Variants in HERC4 observed in about 807,000 individuals in gnomAD.
HERC4 encodes probable E3 ubiquitin-protein ligase HERC4.
HERC4 carries 28 observed loss-of-function variants against 124.3 expected under a neutral mutation model. That is an observed-to-expected ratio of 0.23 (90% CI 0.17 to 0.31). The LOEUF (loss-of-function observed/expected upper bound fraction) is 0.31, where lower values mean the gene tolerates loss of function less well. HERC4 is among the 10% of genes least tolerant of loss of function. The pLI is 1.00. For missense variants in HERC4, 713 were observed against 1,229.3 expected, an observed-to-expected ratio of 0.58 and a Z score of 6.28; for synonymous variants, 407 against 421.5, an observed-to-expected ratio of 0.97 and a Z score of 0.42.
rs112735342 is a variant in HERC4, at chr10:68,019,276, G to A, written c.909-5090C>T. Among the ~76,000 whole-genome samples, 4 of 152,184 alleles carry A rather than the reference G, an allele frequency of 2.6e-5. 1 individual carries two copies. Among genetic ancestry groups the A allele is most frequent in the African/African-American group, 9.6e-5 (4 of 41,532 alleles). ...CTCCCAAAGTGCTGAGATTACAGGCGTGAGCCACTGCGCCCGGTCCAGCCA... is the reference window on the plus strand; with the variant it reads ...CTCCCAAAGTGCTGAGATTACAGGCATGAGCCACTGCGCCCGGTCCAGCCA... On this transcript the variant is annotated intron_variant, in intron 8 of 24. Coordinates refer to ENST00000373700, the MANE Select transcript of HERC4 (RefSeq NM_015601.4).
intron 3 of HERC4, among the ~76,000 whole-genome samples, chr10:68,059,483 A>G (rs2040736726): frequency 7.7e-6 from 1 of 129,500 alleles, no homozygotes; most frequent in South Asian, 2.2e-4. Flanking sequence ...TTATAATATT[A>G]TATATTATAA....
At chr10:68,058,389 T>A (rs2040661496) in intron 3 of HERC4, among the ~76,000 whole-genome samples, 2 of 152,152 alleles carry the variant, frequency 1.3e-5, no homozygotes, top group African/African-American at 4.8e-5. Context: ...CTGTATTGTA[T>A]ATCTGGAGGT....
intron 3 of HERC4, among the ~76,000 whole-genome samples, chr10:68,060,716 G>A (rs991803200): frequency 1.3e-5 from 2 of 151,982 alleles, no homozygotes; most frequent in African/African-American, 4.8e-5. Context: ...TCTATGTTCT[G>A]GTACAGGTAA....
At chr10:67,980,919 A>C (rs1369403101) in intron 15 of HERC4, among the ~76,000 whole-genome samples, 1 of 152,192 alleles carries the variant, frequency 6.6e-6, no homozygotes, top group Non-Finnish European at 1.5e-5. Flanking sequence ...AAAAAATAAA[A>C]AGCAAAAACT....
chr10:68,059,511 T>TA, intron 3 of HERC4, among the ~76,000 whole-genome samples: 1 of 121,584 alleles, frequency 8.2e-6, no homozygotes, highest in East Asian at 2.8e-4. Flanking sequence ...TATTATAATA[T>TA]TATATATCAT....
intron 3 of HERC4, among the ~76,000 whole-genome samples, chr10:68,071,731 T>C (rs1795139256): frequency 6.6e-6 from 1 of 152,230 alleles, no homozygotes; most frequent in Non-Finnish European, 1.5e-5. Flanking sequence ...ACAAGAAAGC[T>C]GCCATTTACT....
chr10:68,000,594 G>T (rs916179660), intron 9 of HERC4, among the ~76,000 whole-genome samples: 3 of 147,796 alleles, frequency 2.0e-5, no homozygotes, highest in African/African-American at 7.4e-5. Context: ...AAAAAAAATT[G>T]TGTGTTGAAA....
chr10:67,954,478 G>T (rs2034010164), intron 19 of HERC4, 117 bp downstream of exon 19: 3 of 766,272 alleles, frequency 3.9e-6, no homozygotes, highest in South Asian at 3.9e-5. Context: ...TAATAAAGCA[G>T]ATCTTATATG....
At chr10:67,980,725 A>G (rs192126342) in intron 15 of HERC4, among the ~76,000 whole-genome samples, 1 of 152,268 alleles carries the variant, frequency 6.6e-6, no homozygotes, top group African/African-American at 2.4e-5. Context: ...AGATATAAAT[A>G]GAAACAACAA....
intron 15 of HERC4, among the ~76,000 whole-genome samples, chr10:67,970,381 C>T (rs2035157765): frequency 6.6e-6 from 1 of 152,042 alleles, no homozygotes; most frequent in Admixed American, 6.6e-5. Context: ...CACCTGAAGT[C>T]AGGAGTTCAA....
rs374508399 is a variant in HERC4, at chr10:68,044,588, T to G, written c.227-25A>C. Reference sequence around the variant, plus strand: ...TCTACAGAAATCAAGAAGAGAAATATTGCATTCTAGTACAGAAATCAAGGA... The same window carrying G: ...TCTACAGAAATCAAGAAGAGAAATAGTGCATTCTAGTACAGAAATCAAGGA... On this transcript the variant is annotated intron_variant, in intron 3 of 24. Transcript: ENST00000373700. 697 of 1,606,312 alleles carry G rather than the reference T, an allele frequency of 4.3e-4. 1 individual carries two copies. The highest frequency in any genetic ancestry group is 5.4e-4 in the Non-Finnish European group (633 of 1,175,670).
chr10:67,983,973 A>G (rs1429578972), intron 15 of HERC4, among the ~76,000 whole-genome samples: 3 of 151,920 alleles, frequency 2.0e-5, no homozygotes, highest in Non-Finnish European at 2.9e-5. Flanking sequence ...AAAAAAAAAG[A>G]ACGAATACAG....
intron 3 of HERC4, among the ~76,000 whole-genome samples, chr10:68,061,878 T>TAA (rs1721139532): frequency 6.9e-5 from 3 of 43,536 alleles, no homozygotes; most frequent in South Asian, 8.6e-4. Context: ...GAGACTCCAT[T>TAA]TAAAAAAAAA....
chr10:67,996,757 G>A (rs192294130), intron 9 of HERC4, among the ~76,000 whole-genome samples: 1 of 151,876 alleles, frequency 6.6e-6, no homozygotes, highest in Non-Finnish European at 1.5e-5. Context: ...GGCCAAGGTG[G>A]GTGGATCATG....
intron 4 of HERC4, among the ~76,000 whole-genome samples, chr10:68,041,053 ATTC>A (rs954005767): frequency 1.3e-5 from 2 of 152,122 alleles, no homozygotes; most frequent in African/African-American, 2.4e-5. Flanking sequence ...ATACTGTTGT[ATTC>A]TTCTGTTTTC....
In HERC4 at chr10:67,956,990, ATTAAC is replaced by A; in HGVS notation, c.1927-19_1927-15del. On this transcript the variant is annotated splice_polypyrimidine_tract_variant and intron_variant, in intron 16 of 24. Coordinates refer to ENST00000373700, the MANE Select transcript of HERC4 (RefSeq NM_015601.4). ...GATATCTGCCAACTGGAAATAAAAA[ATTAAC>A]TTATTAGTACAAGTTGATTTGTGAT... 6.8e-7 allele frequency: 1 copy of A among 1,464,496 alleles called. No individual in the cohort carries two copies. The highest frequency in any genetic ancestry group is 2.3e-5 in the East Asian group (1 of 43,470). 90.7% of individuals were successfully genotyped at this position (1,464,496 alleles called of 1,614,324 possible).
At chr10:68,013,363 A>T (rs1589322774) in intron 9 of HERC4, among the ~76,000 whole-genome samples, 2 of 152,232 alleles carry the variant, frequency 1.3e-5, no homozygotes, top group Non-Finnish European at 2.9e-5. Context: ...TGAGCCCACA[A>T]TATCTCCAAG....
intron 9 of HERC4, among the ~76,000 whole-genome samples, chr10:68,009,928 T>C: frequency 6.6e-6 from 1 of 151,900 alleles, no homozygotes; most frequent in Non-Finnish European, 1.5e-5. Flanking sequence ...GGATGAGGAG[T>C]ATTTTTCTTT....
At chr10:67,960,455 G>A (rs575423657) in intron 16 of HERC4, among the ~76,000 whole-genome samples, 14 of 152,096 alleles carry the variant, frequency 9.2e-5, no homozygotes, top group South Asian at 6.2e-4. Context: ...GTGCAATCTC[G>A]TCTCACCGCA....
Sources: gnomAD v4.1 joint callset for allele counts (sites outside exome capture counted in the v4.1 genomes callset) on GRCh38, gnomAD v4.1.1 for gene constraint, MANE v1.5 for transcripts, NCBI Gene and HGNC (gene_info 2026-07-23, HGNC 2026-07-21) for gene names.